The following GFOD1 variants were observed in gnomAD, a reference collection of about 807,000 sequenced individuals.
GFOD1 encodes glucose-fructose oxidoreductase domain-containing protein 1.
Under a neutral mutation model 25.4 loss-of-function variants are expected in GFOD1, and 9 were observed. That is an observed-to-expected ratio of 0.35 (90% CI 0.21 to 0.62). GFOD1 has a LOEUF of 0.62. Ranked by LOEUF, GFOD1 falls within the 20% of genes least tolerant of loss-of-function variation. The pLI is 0.72. For missense variants in GFOD1, 403 were observed against 556.9 expected (o/e 0.72, Z 2.78); for synonymous variants, 253 against 245.6 (o/e 1.03, Z -0.28).
intron 1 of GFOD1, among the ~76,000 whole-genome samples, chr6:13,474,656 A>G (rs1201475303): frequency 1.3e-5 from 2 of 152,200 alleles, no homozygotes; most frequent in Admixed American, 6.5e-5. Flanking sequence ...TTTATAGGGC[A>G]TTTCTCACCA....
chr6:13,423,859 G>GT (rs11371080), intron 1 of GFOD1, among the ~76,000 whole-genome samples: 9,879 of 151,950 alleles, frequency 0.065, 416 homozygotes, highest in Middle Eastern at 0.13. Flanking sequence ...CTTTTTGTTT[G>GT]TTTTTTTTGT....
intron 1 of GFOD1, among the ~76,000 whole-genome samples, chr6:13,418,167 G>A (rs1786193332): frequency 6.6e-6 from 1 of 152,214 alleles, no homozygotes; most frequent in East Asian, 1.9e-4. Flanking sequence ...ATTTTTGGAA[G>A]CTAGCCATTC....
rs188359878 is a variant in GFOD1 at position 13,470,621 on chromosome 6, T to C, written c.253+16017A>G. On this transcript the variant is annotated intron_variant, in intron 1 of 1. Coordinates refer to ENST00000379287, the MANE Select transcript of GFOD1 (RefSeq NM_018988.4). ...CTGTCTGCTGATTTTCTTCCTCTGA[T>C]GTCCTGGTTCTGTTGGAAAGGGAGA... 3,126 of 1,480,256 alleles carry C rather than the reference T, an allele frequency of 2.1e-3. 8 individuals carry two copies. Among genetic ancestry groups the C allele is most frequent in the Non-Finnish European group, 2.6e-3 (2,913 of 1,114,118 alleles). The allele number at this position is 1,480,256 out of a possible 1,614,324, so 91.7% of individuals were successfully genotyped here. A position where few individuals can be genotyped will look rare whatever the true frequency, so the allele number is the denominator to read the frequency against.
chr6:13,477,216 G>GGTGTGTGTGTGTGTGT (rs60649261), intron 1 of GFOD1, among the ~76,000 whole-genome samples: 1 of 140,770 alleles, frequency 7.1e-6, no homozygotes, highest in African/African-American at 2.7e-5. Flanking sequence ...ACCAATAGGG[G>GGTGTGTGTGTGTGTGT]GTGTGTGTGT....
intron 1 of GFOD1, among the ~76,000 whole-genome samples, chr6:13,394,468 T>TTTG (rs1333823211): frequency 8.4e-6 from 1 of 119,686 alleles, no homozygotes. Flanking sequence ...CCCTTTGAAT[T>TTTG]TTTTTTTTTT....
intron 1 of GFOD1, among the ~76,000 whole-genome samples, chr6:13,397,356 G>C (rs910049311): frequency 6.6e-6 from 1 of 152,250 alleles, no homozygotes; most frequent in African/African-American, 2.4e-5. Context: ...CAAATGTGAA[G>C]CCACCCTCGA....
intron 1 of GFOD1, among the ~76,000 whole-genome samples, chr6:13,481,250 G>A (rs1758745193): frequency 6.6e-6 from 1 of 152,214 alleles, no homozygotes; most frequent in African/African-American, 2.4e-5. Context: ...AAGGCCTCTC[G>A]CCCAAAGTAA....
intron 1 of GFOD1, among the ~76,000 whole-genome samples, chr6:13,409,621 A>G (rs988410788): frequency 2.6e-5 from 4 of 152,218 alleles, no homozygotes; most frequent in Non-Finnish European, 5.9e-5. Flanking sequence ...CTTAACAGAT[A>G]AGAAAGAAAC....
intron 1 of GFOD1, among the ~76,000 whole-genome samples, chr6:13,481,863 C>G (rs1257807647): frequency 6.6e-6 from 1 of 152,160 alleles, no homozygotes; most frequent in African/African-American, 2.4e-5. Context: ...ACATATCTAT[C>G]CCACAAACAA....
Position 13,363,197 on chromosome 6 carries a change from A to T in GFOD1, c.*1546T>A, listed in dbSNP as rs1035394974. The T allele has an allele frequency of 1.3e-5, 2 of 151,296 alleles. No individual in the cohort carries two copies. Among genetic ancestry groups the T allele is most frequent in the Non-Finnish European group, 2.9e-5 (2 of 67,924 alleles). The allele number at this position is 151,296 out of a possible 1,614,324, so 9.4% of individuals were successfully genotyped here. A position where few individuals can be genotyped will look rare whatever the true frequency, so the allele number is the denominator to read the frequency against. Reference sequence around the variant, plus strand: ...GGTTTCAGCGACATTTGTCGGTAGCAACCATTCAAAAATCTGTGTGTGTGT... The same window carrying T: ...GGTTTCAGCGACATTTGTCGGTAGCTACCATTCAAAAATCTGTGTGTGTGT... On this transcript the variant is annotated 3_prime_UTR_variant, in exon 2 of 2. Transcript: ENST00000379287.
chr6:13,462,606 T>A (rs1025857601), intron 1 of GFOD1, among the ~76,000 whole-genome samples: 5 of 152,234 alleles, frequency 3.3e-5, no homozygotes, highest in African/African-American at 1.2e-4. Context: ...TCATTACTTT[T>A]CTTCTTGCTG....
intron 1 of GFOD1, among the ~76,000 whole-genome samples, chr6:13,384,820 T>C (rs2127559553): frequency 6.6e-6 from 1 of 152,378 alleles, no homozygotes; most frequent in Non-Finnish European, 1.5e-5. Context: ...GGCTTTTGCG[T>C]ACAAATGAAG....
chr6:13,455,043 GTT>G (rs1758164235), intron 1 of GFOD1, among the ~76,000 whole-genome samples: 1 of 152,142 alleles, frequency 6.6e-6, no homozygotes, highest in Non-Finnish European at 1.5e-5. Context: ...AGAGTTTAGG[GTT>G]TCGTCATCTG....
At chr6:13,373,275 G>A (rs758436388) in intron 1 of GFOD1, among the ~76,000 whole-genome samples, 1 of 152,182 alleles carries the variant, frequency 6.6e-6, no homozygotes, top group Non-Finnish European at 1.5e-5. Context: ...GAGAGGGAAC[G>A]TTTGAGCTGG....
intron 1 of GFOD1, among the ~76,000 whole-genome samples, chr6:13,474,378 T>C (rs1383775875): frequency 1.3e-5 from 2 of 152,180 alleles, no homozygotes; most frequent in Admixed American, 1.3e-4. Flanking sequence ...AAACTCCGTC[T>C]TGGGAAAAAA....
chr6:13,463,992 A>G (rs73725835), intron 1 of GFOD1, among the ~76,000 whole-genome samples: 3,738 of 152,232 alleles, frequency 0.025, 148 homozygotes, highest in African/African-American at 0.082. Context: ...ACAAAAAACA[A>G]ACCATATATA....
chr6:13,454,465 A>C (rs1256971819), intron 1 of GFOD1, among the ~76,000 whole-genome samples: 1 of 152,218 alleles, frequency 6.6e-6, no homozygotes, highest in East Asian at 1.9e-4. Flanking sequence ...GAAGAGCTAA[A>C]GATACAGGAC....
In GFOD1 at chr6:13,365,044, G is replaced by T; in HGVS notation, c.872C>A (p.Pro291Gln). The change falls in exon 2 of 2, where the codon CCG becomes CAG. Residue 291 changes from proline (P) to glutamine (Q), a missense_variant. Pro to Gln is a moderately conservative substitution (Grantham distance 76). Transcript: ENST00000379287. This position sits in a 1 kb window ranked among gnomAD's most constrained non-coding sequence, Gnocchi z 9.2. ...GGGGATGTCGCTGAAGGCCTTCTCCGGAAGCAGGGAGTTGCTCACCGGCGT... is the reference window on the plus strand; with the variant it reads ...GGGGATGTCGCTGAAGGCCTTCTCCTGAAGCAGGGAGTTGCTCACCGGCGT... ...DATPVSNSLL[P>Q]EKAFSDIPSP... 1 of 1,610,644 alleles carries T rather than the reference G, an allele frequency of 6.2e-7. No homozygotes were observed.
intron 1 of GFOD1, among the ~76,000 whole-genome samples, chr6:13,473,772 T>C (rs1256663100): frequency 1.3e-5 from 2 of 152,064 alleles, no homozygotes; most frequent in Non-Finnish European, 2.9e-5. Flanking sequence ...CCAACCCACC[T>C]TTTCCAAGAG....
Sources: allele counts gnomAD v4.1 joint callset (sites outside exome capture counted in the v4.1 genomes callset), GRCh38; gene constraint gnomAD v4.1.1; non-coding constraint Gnocchi (gnomAD v3.1); transcripts MANE v1.5; gene names NCBI Gene and HGNC (gene_info 2026-07-23, HGNC 2026-07-21).